AGBL1: variants seen among roughly 807,000 people sequenced by gnomAD.
The protein encoded by AGBL1 is AGBL carboxypeptidase 1, also known as cytosolic carboxypeptidase 4.
A neutral mutation model predicts 118.9 loss-of-function variants in AGBL1; 130 were observed. The ratio of observed to expected loss-of-function variants is 1.09; its 90% CI spans 0.95 to 1.26. AGBL1 has a LOEUF of 1.26. Ranked by LOEUF, AGBL1 falls within the 50% of genes most tolerant of loss-of-function variation. The probability of loss-of-function intolerance (pLI) is 0.00; values close to 1 mark genes in which losing one functional copy is unlikely to be tolerated. For missense variants in AGBL1, 1,584 were observed against 1,298.1 expected, an observed-to-expected ratio of 1.22 and a Z score of -3.38; for synonymous variants, 555 against 478.9, an observed-to-expected ratio of 1.16 and a Z score of -2.08.
chr15:86,286,370 T>C (rs957692771), intron 16 of AGBL1, among the ~76,000 whole-genome samples: 2 of 152,056 alleles, frequency 1.3e-5, no homozygotes, highest in Non-Finnish European at 2.9e-5. Flanking sequence ...TATTATAAGC[T>C]ATGATTACTA....
At chr15:86,189,434 C>T (rs1026608417) in intron 5 of AGBL1, among the ~76,000 whole-genome samples, 2 of 152,122 alleles carry the variant, frequency 1.3e-5, no homozygotes, top group Non-Finnish European at 2.9e-5. Flanking sequence ...TTTGACCCCT[C>T]GAAATCTCAT....
chr15:86,746,376 C>G (rs2077757358), intron 22 of AGBL1, among the ~76,000 whole-genome samples: 1 of 152,094 alleles, frequency 6.6e-6, no homozygotes, highest in Admixed American at 6.6e-5. Context: ...CTTTGTATGT[C>G]TGGCCCAAGT....
chr15:86,630,207 AGGCAT>A (rs1596320861), intron 21 of AGBL1: 3 of 152,240 alleles, frequency 2.0e-5, no homozygotes, highest in Non-Finnish European at 4.4e-5. Context: ...TCTATCCCTC[AGGCAT>A]TATGAATCCA....
chr15:86,896,873 C>G (rs1373666509), intron 22 of AGBL1, among the ~76,000 whole-genome samples: 1 of 151,976 alleles, frequency 6.6e-6, no homozygotes, highest in Non-Finnish European at 1.5e-5. Flanking sequence ...CATGCACTCC[C>G]CATTTGTGAG....
chr15:86,522,693 A>T (rs2142200730), intron 18 of AGBL1, 117 bp from the exon 19 acceptor site: 3 of 1,305,076 alleles, frequency 2.3e-6, no homozygotes, highest in East Asian at 2.5e-5. Context: ...CCAATTGGGA[A>T]GAAATCAGAG....
At chr15:86,976,862 T>TATGG (rs2081181254) in intron 23 of AGBL1, among the ~76,000 whole-genome samples, 1 of 152,052 alleles carries the variant, frequency 6.6e-6, no homozygotes, top group African/African-American at 2.4e-5. Flanking sequence ...TTATGTCGTG[T>TATGG]ATGGATCTGT....
At chr15:86,854,267 C>T (rs930442326) in intron 22 of AGBL1, among the ~76,000 whole-genome samples, 1 of 152,178 alleles carries the variant, frequency 6.6e-6, no homozygotes, top group Admixed American at 6.5e-5. Context: ...GCCAGCGTAA[C>T]TCAGAGCTCT....
At chr15:86,699,178 A>G (rs1021778719) in intron 22 of AGBL1, among the ~76,000 whole-genome samples, 1 of 152,014 alleles carries the variant, frequency 6.6e-6, no homozygotes, top group Non-Finnish European at 1.5e-5. Context: ...AATTTTGTAT[A>G]TCTTCATTGA....
intron 5 of AGBL1, among the ~76,000 whole-genome samples, chr15:86,203,352 T>C (rs1269745354): frequency 1.3e-5 from 2 of 152,198 alleles, no homozygotes; most frequent in Admixed American, 6.5e-5. Context: ...CAAAAATATA[T>C]AGAAAACTTT....
chr15:86,761,536 GGTA>G (rs148240774), intron 22 of AGBL1, among the ~76,000 whole-genome samples: 221 of 152,124 alleles, frequency 1.5e-3, no homozygotes, highest in African/African-American at 5.0e-3. Context: ...TCAGCTCTGT[GGTA>G]AATTTGCTTC....
In AGBL1 at chr15:86,420,611, G is replaced by T. The variant is rs2081774620; in HGVS notation, c.2555+23065G>T. ...GGGAACAAAACTGGATGGAGAATGG[G>T]TTTGACGAATTAACAGAAGGAGGCT... On this transcript the variant is annotated intron_variant, in intron 18 of 22. Coordinates refer to ENST00000614907, the MANE Select transcript of AGBL1 (RefSeq NM_001386094.1). Among the ~76,000 whole-genome samples the T allele has an allele frequency of 2.6e-5, 4 of 152,200 alleles. No homozygotes were observed. The South Asian group carries it at 8.3e-4, about 32-fold the overall frequency.
At chr15:86,318,833 T>C (rs1215767057) in intron 17 of AGBL1, among the ~76,000 whole-genome samples, 3 of 151,592 alleles carry the variant, frequency 2.0e-5, no homozygotes, top group Admixed American at 6.6e-5. Flanking sequence ...TCTGTTAGGA[T>C]ATATGGATCT....
intron 6 of AGBL1, among the ~76,000 whole-genome samples, chr15:86,238,471 A>T (rs2078589303): frequency 6.6e-6 from 1 of 152,186 alleles, no homozygotes; most frequent in Non-Finnish European, 1.5e-5. Context: ...CTGTATGTTT[A>T]TTTGCATCTA....
At chr15:86,891,954 A>G (rs992879428) in intron 22 of AGBL1, among the ~76,000 whole-genome samples, 2 of 152,188 alleles carry the variant, frequency 1.3e-5, no homozygotes, top group African/African-American at 4.8e-5. Flanking sequence ...CTCAGTACTC[A>G]GAGGTCCTCT....
intron 21 of AGBL1, among the ~76,000 whole-genome samples, chr15:86,622,652 G>T (rs949161772): frequency 1.3e-5 from 2 of 152,038 alleles, no homozygotes; most frequent in African/African-American, 4.8e-5. Flanking sequence ...CCATGCAAGG[G>T]ACTGGGGGAC....
At chr15:86,769,175 G>C (rs28649664) in intron 22 of AGBL1, among the ~76,000 whole-genome samples, 2 of 81,530 alleles carry the variant, frequency 2.5e-5, no homozygotes, top group African/African-American at 1.3e-4. Context: ...CATTTTGAGA[G>C]GGAGAGAGAG....
intron 17 of AGBL1, among the ~76,000 whole-genome samples, chr15:86,332,833 C>A (rs4887431): frequency 0.72 from 109,551 of 151,782 alleles, 40,233 homozygotes; most frequent in Non-Finnish European, 0.8. Context: ...ATTAAAAACA[C>A]TAGAAATTAT....
At chr15:86,792,355 T>C (rs1316540225) in intron 22 of AGBL1, among the ~76,000 whole-genome samples, 1 of 152,200 alleles carries the variant, frequency 6.6e-6, no homozygotes, top group Non-Finnish European at 1.5e-5. Context: ...AGTACTCTAG[T>C]AATTCTGATA....
intron 18 of AGBL1, among the ~76,000 whole-genome samples, chr15:86,493,228 A>G (rs2082806383): frequency 6.6e-6 from 1 of 151,014 alleles, no homozygotes; most frequent in Non-Finnish European, 1.5e-5. Flanking sequence ...AACACATACA[A>G]AAAAACATTC....
Sources: allele counts gnomAD v4.1 joint callset (sites outside exome capture counted in the v4.1 genomes callset), GRCh38; gene constraint gnomAD v4.1.1; transcripts MANE v1.5; gene names NCBI Gene and HGNC (gene_info 2026-07-23, HGNC 2026-07-21).